Variants in FOCAD observed in about 807,000 individuals in gnomAD.
The protein encoded by FOCAD is focadhesin.
Under a neutral mutation model 225.6 loss-of-function variants are expected in FOCAD, and 198 were observed. That is an observed-to-expected ratio of 0.88 (90% CI 0.78 to 0.99). FOCAD has a LOEUF of 0.99. Ranked by LOEUF, FOCAD falls within the 50% of genes least tolerant of loss-of-function variation. The probability of loss-of-function intolerance (pLI) is 0.00; values close to 1 mark genes in which losing one functional copy is unlikely to be tolerated. For synonymous variants in FOCAD, 897 were observed against 755.0 expected (o/e 1.19, Z -3.08); for missense variants, 2,713 against 2,123.6 (o/e 1.28, Z -5.46).
intron 9 of FOCAD, among the ~76,000 whole-genome samples, chr9:20,780,975 G>A (rs1021250155): frequency 4.6e-5 from 7 of 152,182 alleles, no homozygotes; most frequent in Non-Finnish European, 7.4e-5. Flanking sequence ...AATTTTTGCT[G>A]TAGTGGGGAA....
chr9:20,721,262 C>T (rs1038999120), intron 4 of FOCAD, among the ~76,000 whole-genome samples: 1 of 152,198 alleles, frequency 6.6e-6, no homozygotes, highest in Non-Finnish European at 1.5e-5. Context: ...CCCCTTCCCT[C>T]ACCTCTCACC....
At chr9:20,703,006 C>G (rs1394852129) in intron 1 of FOCAD, among the ~76,000 whole-genome samples, 1 of 151,880 alleles carries the variant, frequency 6.6e-6, no homozygotes, top group East Asian at 1.9e-4. Flanking sequence ...GACTCCATCT[C>G]ACAAAAAAAA....
At chr9:20,820,275 T>A in intron 12 of FOCAD, 49 bp from the exon 13 acceptor site, 1 of 1,387,934 alleles carries the variant, frequency 7.2e-7, no homozygotes, top group Non-Finnish European at 1.0e-6. Context: ...AACCTCGAGG[T>A]TGTCTGCATT....
intron 5 of FOCAD, among the ~76,000 whole-genome samples, chr9:20,754,854 G>T (rs558497678): frequency 4.6e-5 from 7 of 152,084 alleles, no homozygotes; most frequent in Non-Finnish European, 1.0e-4. Context: ...TCATGCATGG[G>T]CAGTTGTGCA....
chr9:20,791,275 C>T (rs1820513779), intron 11 of FOCAD, among the ~76,000 whole-genome samples: 1 of 144,578 alleles, frequency 6.9e-6, no homozygotes, highest in South Asian at 2.3e-4. Flanking sequence ...GAAATTTGAT[C>T]CAGCATGATG....
intron 16 of FOCAD, among the ~76,000 whole-genome samples, chr9:20,865,278 G>T (rs770756543): frequency 4.6e-5 from 7 of 152,062 alleles, no homozygotes; most frequent in African/African-American, 1.2e-4. Context: ...TTAATATACT[G>T]TTGCTTCCCA....
chr9:20,914,241 TTTA>T (rs1298041182), intron 23 of FOCAD, among the ~76,000 whole-genome samples: 1 of 152,164 alleles, frequency 6.6e-6, no homozygotes, highest in Non-Finnish European at 1.5e-5. Context: ...TCAAAAAGTA[TTTA>T]TTGAGTGTCT....
At chr9:20,749,451 C>G (rs991361020) in intron 5 of FOCAD, among the ~76,000 whole-genome samples, 1 of 152,012 alleles carries the variant, frequency 6.6e-6, no homozygotes, top group African/African-American at 2.4e-5. Context: ...ATTATTATTT[C>G]TTCTTTATAG....
intron 1 of FOCAD, among the ~76,000 whole-genome samples, chr9:20,691,731 C>T (rs531921978): frequency 5.2e-4 from 79 of 150,738 alleles, no homozygotes; most frequent in African/African-American, 1.8e-3. Flanking sequence ...CTGCCCACTT[C>T]GGCCTCCCAA....
intron 39 of FOCAD, among the ~76,000 whole-genome samples, chr9:20,984,699 T>A (rs142773340): frequency 6.6e-6 from 1 of 152,214 alleles, no homozygotes; most frequent in Non-Finnish European, 1.5e-5. Flanking sequence ...CATACAGATA[T>A]GCAGGAGGAA....
At position 20,986,375 on chromosome 9, in the gene FOCAD, G is replaced by A. The variant is rs143069254; in HGVS notation, c.4816G>A (p.Val1606Ile). 1.9e-5 allele frequency: 31 copies of A among 1,607,632 alleles called. No homozygotes were observed. Among genetic ancestry groups the A allele is most frequent in the Middle Eastern group, 1.7e-4 (1 of 6,044 alleles). ...GGTGAACCTGACCGATATGCTGAGC[G>A]TTGCTGTGCAGCACCGTGAGAAAGA... ...PLVNLTDMLS[V>I]AVQHREKEVL... The change falls in exon 40 of 44, where the codon GTT becomes ATT. Residue 1606 changes from valine (V) to isoleucine (I), a missense_variant. Physicochemically the swap from Val to Ile is conservative, Grantham distance 29. Coordinates refer to ENST00000338382, the MANE Select transcript of FOCAD (RefSeq NM_001375567.1).
At chr9:20,916,565 C>T (rs1412833962) in intron 23 of FOCAD, among the ~76,000 whole-genome samples, 1 of 152,200 alleles carries the variant, frequency 6.6e-6, no homozygotes, top group Admixed American at 6.5e-5. Flanking sequence ...TGCAAACATT[C>T]AGTCCATTGA....
intron 24 of FOCAD, among the ~76,000 whole-genome samples, chr9:20,919,324 C>G (rs191840162): frequency 5.1e-4 from 77 of 152,182 alleles, no homozygotes; most frequent in African/African-American, 1.6e-3. Context: ...ACGATACAAA[C>G]AAATGGAAGA....
At chr9:20,805,349 C>T (rs541819164) in intron 11 of FOCAD, among the ~76,000 whole-genome samples, 5 of 152,074 alleles carry the variant, frequency 3.3e-5, no homozygotes, top group Admixed American at 1.3e-4. Context: ...AACCAGAGTT[C>T]CTTTCCAATG....
At chr9:20,940,182 C>G (rs114493236) in intron 28 of FOCAD, among the ~76,000 whole-genome samples, 2,170 of 152,140 alleles carry the variant, frequency 0.014, 53 homozygotes, top group African/African-American at 0.049. Flanking sequence ...TTCAAGAAGT[C>G]CTTCTTCCAT....
intron 4 of FOCAD, among the ~76,000 whole-genome samples, chr9:20,732,669 A>T (rs563361363): frequency 1.3e-5 from 2 of 152,238 alleles, no homozygotes; most frequent in African/African-American, 4.8e-5. Context: ...AATGGAAAGT[A>T]TTGGGTTTGG....
chr9:20,837,296 G>A (rs1372982549), intron 15 of FOCAD, among the ~76,000 whole-genome samples: 1 of 152,010 alleles, frequency 6.6e-6, no homozygotes, highest in African/African-American at 2.4e-5. Flanking sequence ...GTGTCCAGCC[G>A]TGAGTTTCCG....
chr9:20,702,601 G>T (rs552460751), intron 1 of FOCAD, among the ~76,000 whole-genome samples: 11 of 152,298 alleles, frequency 7.2e-5, no homozygotes, highest in Admixed American at 6.5e-4. Context: ...CTTATGTCAT[G>T]AGGTTGTTTT....
intron 1 of FOCAD, among the ~76,000 whole-genome samples, chr9:20,710,008 G>A (rs959928442): frequency 6.6e-6 from 1 of 152,044 alleles, no homozygotes; most frequent in African/African-American, 2.4e-5. Flanking sequence ...CTGCTCACCT[G>A]GTCCCCAAAG....
Sources: allele counts gnomAD v4.1 joint callset (sites outside exome capture counted in the v4.1 genomes callset), GRCh38; gene constraint gnomAD v4.1.1; transcripts MANE v1.5; gene names NCBI Gene and HGNC (gene_info 2026-07-23, HGNC 2026-07-21).